PAMR1: variants seen among roughly 807,000 people sequenced by gnomAD.
PAMR1 encodes inactive serine protease PAMR1.
PAMR1 carries 88 observed loss-of-function variants against 81.8 expected under a neutral mutation model. The observed-to-expected ratio is 1.08, with a 90% CI of 0.91 to 1.28. The LOEUF is 1.28. Ranked by LOEUF, PAMR1 falls within the 50% of genes most tolerant of loss-of-function variation. The pLI, the probability that PAMR1 is intolerant of heterozygous loss-of-function variation, is 0.00. For missense variants in PAMR1, 935 were observed against 919.7 expected, an observed-to-expected ratio of 1.02 and a Z score of -0.21; for synonymous variants, 336 against 345.3, an observed-to-expected ratio of 0.97 and a Z score of 0.30.
chr11:35,529,374 T>C (rs1851433319), upstream of PAMR1, among the ~76,000 whole-genome samples: 1 of 152,228 alleles, frequency 6.6e-6, no homozygotes, highest in Admixed American at 6.5e-5. Context: ...ATTTTGTGAA[T>C]ATATACAATC....
rs758442215 is a variant in PAMR1 at position 35,432,815 on chromosome 11, G to A, written c.1704C>T (p.Asp568=). 2.5e-6 allele frequency: 4 copies of A among 1,606,188 alleles called. No homozygotes were observed. Among genetic ancestry groups the A allele is most frequent in the Admixed American group, 1.7e-5 (1 of 60,006 alleles). The change falls in exon 11 of 11, where the codon GAC becomes GAT. Residue 568 remains aspartate, a synonymous_variant. Coordinates refer to ENST00000619888, the MANE Select transcript of PAMR1 (RefSeq NM_001001991.3). ...GGACTCGGGTGCTGATACGGGCCTT[G>A]TCTAGGAGCTTCAGGATGGCGATGT... The part of the protein sequence containing the change: ...DADIAILKLL[D]KARISTRVQP...
At chr11:35,444,280 C>A (rs1052529993) in intron 6 of PAMR1, among the ~76,000 whole-genome samples, 1 of 152,092 alleles carries the variant, frequency 6.6e-6, no homozygotes, top group African/African-American at 2.4e-5. Flanking sequence ...AAACTTTTCT[C>A]CCATTCTGTA....
chr11:35,445,385 G>C (rs1323966240), intron 6 of PAMR1, among the ~76,000 whole-genome samples: 1 of 138,810 alleles, frequency 7.2e-6, no homozygotes, highest in Non-Finnish European at 1.6e-5. Context: ...GTGTTGAATA[G>C]GAGTGATGAG....
At position 35,432,746 on chromosome 11, in the gene PAMR1, G is replaced by A. The variant is rs1298255566; in HGVS notation, c.1773C>T (p.Phe591=). The change falls in exon 11 of 11, where the codon TTC becomes TTT. Residue 591 remains phenylalanine, a synonymous_variant. Transcript: ENST00000619888. ...LAASRDLSTS[F]QESHITVAGW... ...CAGCCACAGTGATGTGGGACTCCTG[G>A]AAGGAAGTGCTGAGATCCCGACTGG... The A allele has an allele frequency of 1.2e-6, 2 of 1,613,936 alleles. No homozygotes were observed. The highest frequency in any genetic ancestry group is 1.7e-5 in the Admixed American group (1 of 60,010).
chr11:35,481,216 C>A (rs1850384485), intron 3 of PAMR1, among the ~76,000 whole-genome samples: 1 of 152,170 alleles, frequency 6.6e-6, no homozygotes, highest in African/African-American at 2.4e-5. Context: ...TTTGGGTATA[C>A]ACCCAGTAAT....
chr11:35,493,331 G>C (rs1850664007), intron 2 of PAMR1, among the ~76,000 whole-genome samples: 1 of 152,110 alleles, frequency 6.6e-6, no homozygotes, highest in South Asian at 2.1e-4. Context: ...AAACTTTGAA[G>C]CACAGTTTGC....
chr11:35,475,409 G>T (rs527656621), intron 3 of PAMR1, among the ~76,000 whole-genome samples: 2 of 152,180 alleles, frequency 1.3e-5, no homozygotes, highest in African/African-American at 2.4e-5. Context: ...TAAAAAAGGG[G>T]CTCCTGGTTA....
chr11:35,446,895 A>AT (rs1856304372), intron 6 of PAMR1, among the ~76,000 whole-genome samples: 2 of 152,032 alleles, frequency 1.3e-5, no homozygotes, highest in Non-Finnish European at 2.9e-5. Flanking sequence ...ATCTTTGTTA[A>AT]TTTTCTGTCT....
intron 6 of PAMR1, among the ~76,000 whole-genome samples, chr11:35,449,261 T>C (rs1856360548): frequency 1.3e-5 from 2 of 151,028 alleles, no homozygotes; most frequent in South Asian, 4.2e-4. Context: ...GAACAGGAGA[T>C]CATGACTGCC....
chr11:35,469,642 A>C (rs1348370778), intron 5 of PAMR1, among the ~76,000 whole-genome samples: 6 of 152,240 alleles, frequency 3.9e-5, no homozygotes, highest in Non-Finnish European at 5.9e-5. Context: ...AAAGAGGGGT[A>C]GACCGGGGAG....
At chr11:35,448,855 C>T (rs1016398140) in intron 6 of PAMR1, among the ~76,000 whole-genome samples, 1 of 152,044 alleles carries the variant, frequency 6.6e-6, no homozygotes, top group African/African-American at 2.4e-5. Flanking sequence ...GTTGTTGTTG[C>T]TTTCTGTTTT....
intron 3 of PAMR1, among the ~76,000 whole-genome samples, chr11:35,483,072 T>G (rs1396711483): frequency 1.3e-5 from 2 of 152,186 alleles, no homozygotes; most frequent in African/African-American, 4.8e-5. Flanking sequence ...CAACAAGAGA[T>G]CTATTGTTTC....
intron 3 of PAMR1, among the ~76,000 whole-genome samples, chr11:35,478,656 C>T (rs974619676): frequency 2.0e-5 from 3 of 152,168 alleles, no homozygotes; most frequent in Non-Finnish European, 4.4e-5. Flanking sequence ...CTGACTACAC[C>T]TCTCTGTCTA....
intron 6 of PAMR1, among the ~76,000 whole-genome samples, chr11:35,443,035 T>C (rs1219978712): frequency 6.6e-6 from 1 of 152,198 alleles, no homozygotes; most frequent in Non-Finnish European, 1.5e-5. Flanking sequence ...CACACAGGCA[T>C]TGATTATAAT....
At chr11:35,524,563 G>A (rs1179668141) in intron 1 of PAMR1, among the ~76,000 whole-genome samples, 1 of 152,184 alleles carries the variant, frequency 6.6e-6, no homozygotes, top group Admixed American at 6.5e-5. Flanking sequence ...AACCAGCACA[G>A]AAGGGAAGCA....
At chr11:35,484,873 G>T (rs1850469185) in intron 3 of PAMR1, among the ~76,000 whole-genome samples, 1 of 152,138 alleles carries the variant, frequency 6.6e-6, no homozygotes, top group Admixed American at 6.5e-5. Context: ...TCAGCCTAGG[G>T]CCAAGCTAAA....
At chr11:35,498,883 G>A (rs572809814) in intron 1 of PAMR1, among the ~76,000 whole-genome samples, 25 of 152,150 alleles carry the variant, frequency 1.6e-4, no homozygotes, top group Non-Finnish European at 3.1e-4. Flanking sequence ...TCCCATCCGT[G>A]GTTATTTCTG....
chr11:35,433,770 A>G (rs74408561), intron 10 of PAMR1, among the ~76,000 whole-genome samples: 22 of 98,764 alleles, frequency 2.2e-4, no homozygotes, highest in Admixed American at 6.4e-4. Flanking sequence ...ATGGATGGAT[A>G]GACGGATGGA....
chr11:35,483,202 C>T (rs895118318), intron 3 of PAMR1, among the ~76,000 whole-genome samples: 3 of 152,162 alleles, frequency 2.0e-5, no homozygotes, highest in Non-Finnish European at 4.4e-5. Context: ...ATAATCTCAC[C>T]AGAAGAGCCT....
Sources: gnomAD v4.1 joint callset for allele counts (sites outside exome capture counted in the v4.1 genomes callset) on GRCh38, gnomAD v4.1.1 for gene constraint, MANE v1.5 for transcripts, NCBI Gene and HGNC (gene_info 2026-07-23, HGNC 2026-07-21) for gene names.